The following DNAI7 variants were observed in gnomAD, a reference collection of about 807,000 sequenced individuals.
The protein encoded by DNAI7 is dynein axonemal intermediate chain 7.
Under a neutral mutation model 86.6 loss-of-function variants are expected in DNAI7, and 78 were observed. The ratio of observed to expected loss-of-function variants is 0.90; its 90% confidence interval spans 0.75 to 1.09. DNAI7 has a LOEUF of 1.09. DNAI7 is among the 50% of genes least tolerant of loss of function. The pLI is 0.00. For missense variants in DNAI7, 753 were observed against 810.2 expected (o/e 0.93, Z 0.86); for synonymous variants, 274 against 273.0 (o/e 1.00, Z -0.04).
chr12:25,119,348 G>C, intron 11 of DNAI7, 47 bp from the exon 12 acceptor site: 1 of 1,305,192 alleles, frequency 7.7e-7, no homozygotes. Context: ...ACTGGTAGCA[G>C]TGAAAAATGT....
Position 25,123,291 on chromosome 12 carries a change from A to G in DNAI7, c.1003-5T>C, listed in dbSNP as rs760624572. Reference sequence around the variant, plus strand: ...AGATTCTTCCTCAGCAGAACTCTATAAAAAACCACAGACATATGGGTGTGA... The same window carrying G: ...AGATTCTTCCTCAGCAGAACTCTATGAAAAACCACAGACATATGGGTGTGA... On this transcript the variant is annotated splice_region_variant and splice_polypyrimidine_tract_variant and intron_variant, in intron 9 of 15. Transcript: ENST00000395987. The G allele has an allele frequency of 1.3e-6, 2 of 1,596,570 alleles. No individual in the cohort carries two copies. The highest frequency in any genetic ancestry group is 1.7e-5 in the Admixed American group (1 of 57,754).
chr12:25,139,636 TGA>T (rs1446365052), intron 9 of DNAI7, among the ~76,000 whole-genome samples: 11 of 151,710 alleles, frequency 7.3e-5, no homozygotes, highest in Non-Finnish European at 1.6e-4. Context: ...CTCATAAGTG[TGA>T]GTTGAACAAT....
At chr12:25,131,814 T>C (rs2140623509) in intron 9 of DNAI7, among the ~76,000 whole-genome samples, 1 of 152,272 alleles carries the variant, frequency 6.6e-6, no homozygotes, top group South Asian at 2.1e-4. Flanking sequence ...CTTCCTTCCT[T>C]CATTCAATAA....
chr12:25,110,943 A>G (rs1218943178), intron 14 of DNAI7, among the ~76,000 whole-genome samples: 2 of 152,196 alleles, frequency 1.3e-5, no homozygotes, highest in Admixed American at 6.5e-5. Context: ...GGAGTAGAAT[A>G]TTCTGAAAGC....
At chr12:25,143,478 G>A (rs954503812) in intron 9 of DNAI7, among the ~76,000 whole-genome samples, 3 of 151,478 alleles carry the variant, frequency 2.0e-5, no homozygotes, top group African/African-American at 7.3e-5. Flanking sequence ...TCGAACTCCT[G>A]ACCTCAAAGT....
chr12:25,108,152 T>C (rs1949348685), downstream of DNAI7: 2 of 1,414,310 alleles, frequency 1.4e-6, no homozygotes, highest in Non-Finnish European at 9.6e-7. Context: ...AAGTATAGCA[T>C]GAAACCAGAG....
intron 2 of DNAI7, among the ~76,000 whole-genome samples, chr12:25,181,124 A>G (rs1165004844): frequency 6.6e-6 from 1 of 152,002 alleles, no homozygotes; most frequent in African/African-American, 2.4e-5. Flanking sequence ...TTTTTTTAAG[A>G]GACAGAGTCT....
rs747185905 is a variant in DNAI7, at chr12:25,144,516, G to T, written c.851C>A (p.Thr284Asn). The change falls in exon 9 of 16, where the codon ACT becomes AAT. Residue 284 changes from threonine (T) to asparagine (N), a missense_variant. Coordinates refer to ENST00000395987, the MANE Select transcript of DNAI7 (RefSeq NM_018272.5). ...TPSKEYTSAV[T>N]ELVKDDVKNV... ...CTTAACATCATCTTTGACAAGCTCA[G>T]TTACTGCAGAAGTGTATTCTTTTGA... 1.9e-6 allele frequency: 3 copies of T among 1,614,102 alleles called. No homozygotes were observed. The highest frequency in any genetic ancestry group is 2.5e-6 in the Non-Finnish European group (3 of 1,180,010).
chr12:25,170,014 G>T (rs188687348), intron 2 of DNAI7, among the ~76,000 whole-genome samples: 6 of 152,280 alleles, frequency 3.9e-5, no homozygotes, highest in Non-Finnish European at 7.4e-5. Flanking sequence ...GCGAGCAGGG[G>T]TAGCTATTCT....
At chr12:25,174,725 CAT>C (rs79323592) in intron 2 of DNAI7, among the ~76,000 whole-genome samples, 47,358 of 78,902 alleles carry the variant, frequency 0.6, 13,475 homozygotes, top group East Asian at 0.83. Context: ...ATATATATAT[CAT>C]ATATATATGG....
chr12:25,176,578 T>A (rs1034276658), intron 2 of DNAI7, among the ~76,000 whole-genome samples: 3 of 151,954 alleles, frequency 2.0e-5, no homozygotes, highest in African/African-American at 7.2e-5. Context: ...TTAATTTTTA[T>A]AAATATGTGA....
chr12:25,116,030 C>T (rs559581079), intron 12 of DNAI7, among the ~76,000 whole-genome samples: 1 of 151,436 alleles, frequency 6.6e-6, no homozygotes, highest in South Asian at 2.1e-4. Flanking sequence ...CCTCCTACAA[C>T]TTTTGAAACT....
At chr12:25,135,749 G>A (rs1048100047) in intron 9 of DNAI7, among the ~76,000 whole-genome samples, 1 of 151,372 alleles carries the variant, frequency 6.6e-6, no homozygotes, top group Non-Finnish European at 1.5e-5. Context: ...CACCTCTCTG[G>A]CGGCCTGTAT....
chr12:25,154,553 A>C, intron 5 of DNAI7, 97 bp from the exon 6 acceptor site: 1 of 1,239,330 alleles, frequency 8.1e-7, no homozygotes, highest in South Asian at 1.4e-5. Context: ...AACCTAGTTT[A>C]ACCAACTTAG....
intron 13 of DNAI7, among the ~76,000 whole-genome samples, chr12:25,112,710 C>T (rs1939192076): frequency 6.6e-6 from 1 of 152,048 alleles, no homozygotes. Flanking sequence ...CTAGCCTACA[C>T]ATCTGTTTTT....
In DNAI7 at chr12:25,180,242, T is replaced by C. The variant is rs148603848; in HGVS notation, c.21+10372A>G. Among the ~76,000 whole-genome samples, 942 of 152,092 alleles carry C rather than the reference T, an allele frequency of 6.2e-3. 10 individuals carry two copies. Among genetic ancestry groups the C allele is most frequent in the African/African-American group, 0.021 (881 of 41,504 alleles). ...AATATATTTAACCAAGGAGGTGAAATATCTCTACAAAGAGAACTACAAAAC... is the reference window on the plus strand; with the variant it reads ...AATATATTTAACCAAGGAGGTGAAACATCTCTACAAAGAGAACTACAAAAC... On this transcript the variant is annotated intron_variant, in intron 2 of 15. Coordinates refer to ENST00000395987, the MANE Select transcript of DNAI7 (RefSeq NM_018272.5).
At chr12:25,169,059 T>A (rs1196027933) in intron 2 of DNAI7, among the ~76,000 whole-genome samples, 1 of 152,146 alleles carries the variant, frequency 6.6e-6, no homozygotes, top group African/African-American at 2.4e-5. Context: ...CCCAAAACTT[T>A]ACCACTATTT....
intron 6 of DNAI7, among the ~76,000 whole-genome samples, chr12:25,153,201 C>T (rs917892919): frequency 6.6e-6 from 1 of 152,132 alleles, no homozygotes; most frequent in Non-Finnish European, 1.5e-5. Flanking sequence ...GCTGCTGGAT[C>T]ATTTGAGGTC....
chr12:25,153,849 G>T (rs1325369594), intron 6 of DNAI7, among the ~76,000 whole-genome samples: 4 of 152,044 alleles, frequency 2.6e-5, no homozygotes, highest in African/African-American at 9.6e-5. Context: ...TTGTAAAGTG[G>T]CAGCTTCTCA....
Sources: gnomAD v4.1 joint callset for allele counts (sites outside exome capture counted in the v4.1 genomes callset) on GRCh38, gnomAD v4.1.1 for gene constraint, MANE v1.5 for transcripts, NCBI Gene and HGNC (gene_info 2026-07-23, HGNC 2026-07-21) for gene names.